Variants in OTOG observed in about 807,000 individuals in gnomAD.
OTOG encodes the protein otogelin.
Under a neutral mutation model 313.8 loss-of-function variants are expected in OTOG, and 296 were observed. That is an observed-to-expected ratio of 0.94 (90% CI 0.86 to 1.04). The LOEUF (loss-of-function observed/expected upper bound fraction) is 1.04, where lower values mean the gene tolerates loss of function less well. Among genes scored for constraint, OTOG ranks in the 50% least tolerant of loss-of-function variants. The pLI is 0.00. For missense variants in OTOG, 3,948 were observed against 3,840.1 expected, an observed-to-expected ratio of 1.03 and a Z score of -0.74; for synonymous variants, 1,533 against 1,554.9, an observed-to-expected ratio of 0.99 and a Z score of 0.33.
At position 17,638,481 on chromosome 11, in the gene OTOG, A is replaced by C. The variant is rs926666774; in HGVS notation, c.7826A>C (p.Gln2609Pro). The C allele has an allele frequency of 6.5e-7, 1 of 1,550,026 alleles. No individual in the cohort carries two copies. Among genetic ancestry groups the C allele is most frequent in the African/African-American group, 1.4e-5 (1 of 73,028 alleles). The part of the protein sequence containing the change: ...VCENFRCPQV[Q>P]CGLGTALVEV... Reference sequence around the variant, plus strand: ...GAGAACTTCCGCTGTCCCCAAGTGCAGTGTGGCCTGGGCACTGCCCTGGTG... The same window carrying C: ...GAGAACTTCCGCTGTCCCCAAGTGCCGTGTGGCCTGGGCACTGCCCTGGTG... Residue 2609 changes from glutamine to proline, a missense_variant, in exon 48 of 56, where the codon CAG (glutamine) becomes CCG (proline). Physicochemically the swap from Gln to Pro is moderately conservative, Grantham distance 76. Coordinates refer to ENST00000399397, the MANE Select transcript of OTOG (RefSeq NM_001292063.2).
rs574498870 is a variant in OTOG at position 17,596,990 on chromosome 11, G to A, written c.3665G>A (p.Arg1222Gln). The A allele has an allele frequency of 2.3e-5, 36 of 1,548,678 alleles. No individual in the cohort carries two copies. Among genetic ancestry groups the A allele is most frequent in the Admixed American group, 1.8e-4 (9 of 50,982 alleles). Residue 1222 changes from arginine (R) to glutamine (Q), a missense_variant, in exon 30 of 56, where the codon CGA (arginine) becomes CAA (glutamine). By Grantham distance (43) the Arg-to-Gln change is conservative. Coordinates refer to ENST00000399397, the MANE Select transcript of OTOG (RefSeq NM_001292063.2). ...CCQHGVAVDW[R>Q]TPRLCPYDCD... ...CAGCATGGGGTGGCTGTTGACTGGC[G>A]AACCCCCCGCCTCTGCCGTGAGTGT...
chr11:17,641,265 G>A (rs1847966687), intron 51 of OTOG, among the ~76,000 whole-genome samples, 174 bp downstream of exon 51: 1 of 152,200 alleles, frequency 6.6e-6, no homozygotes, highest in South Asian at 2.1e-4. Context: ...GTTGGGAGAG[G>A]CCAGAAGGGG....
At chr11:17,635,295 G>A in intron 46 of OTOG, 108 bp downstream of exon 46, 1 of 884,698 alleles carries the variant, frequency 1.1e-6, no homozygotes, top group South Asian at 1.7e-5. Flanking sequence ...TCTTCAGATG[G>A]GGTGGGCAAA....
rs7930435 is a variant in OTOG at position 17,642,558 on chromosome 11, T to G, written c.8415+312T>G. ...CACACACCACACACTCCAGGGACAT[T>G]CACATCAGCATGCCAATGCACACAC... On this transcript the variant is annotated intron_variant, in intron 53 of 55. Transcript: ENST00000399397. Among the ~76,000 whole-genome samples the G allele has an allele frequency of 0.14, 21,506 of 152,120 alleles. 1,584 individuals are homozygous for G. Among genetic ancestry groups the G allele is most frequent in the African/African-American group, 0.18 (7,576 of 41,490 alleles).
At position 17,570,266 on chromosome 11, in the gene OTOG, G is replaced by A. The variant is rs1463502155; in HGVS notation, c.1831G>A (p.Val611Met). The A allele has an allele frequency of 2.6e-6, 4 of 1,550,750 alleles. No individual in the cohort carries two copies. The highest frequency in any genetic ancestry group is 1.4e-5 in the African/African-American group (1 of 73,042). The change falls in exon 17 of 56, where the codon GTG (valine) becomes ATG (methionine). Residue 611 changes from valine (V) to methionine (M), a missense_variant. Physicochemically the swap from Val to Met is conservative, Grantham distance 21. Transcript: ENST00000399397. Reference sequence around the variant, plus strand: ...CGTGTTCCTGCGGGTGAGGACGAACGTGGGCGTGCGGGTGCTCTACGACCG... The same window carrying A: ...CGTGTTCCTGCGGGTGAGGACGAACATGGGCGTGCGGGTGCTCTACGACCG... ...SSVFLRVRTNVGVRVLYDREG... is the reference protein window; with the variant it reads ...SSVFLRVRTNMGVRVLYDREG...
At position 17,610,174 on chromosome 11, in the gene OTOG, A is replaced by G. The variant is rs1007613922; in HGVS notation, c.4874A>G (p.His1625Arg). 7 of 1,550,450 alleles carry G rather than the reference A, an allele frequency of 4.5e-6. No homozygotes were observed. In the Admixed American group the frequency reaches 1.2e-4, roughly 26 times the overall value. The stretch of plus-strand genomic sequence containing the variant: ...ACCAAGGCTGTGACAGTCCGAGGCC[A>G]TGGCTCCTTGCCTGTTAGGACGACA... ...LMTKAVTVRG[H>R]GSLPVRTTPP... The change falls in exon 36 of 56, where the codon CAT becomes CGT. Residue 1625 changes from histidine (H) to arginine (R), a missense_variant. Coordinates refer to ENST00000399397, the MANE Select transcript of OTOG (RefSeq NM_001292063.2).
chr11:17,554,827 A>C (rs1852019421), intron 6 of OTOG, among the ~76,000 whole-genome samples: 1 of 152,286 alleles, frequency 6.6e-6, no homozygotes, highest in African/African-American at 2.4e-5. Flanking sequence ...TACAAAATCA[A>C]CTTAACGAAT....
chr11:17,595,555 C>T (rs572268595), intron 28 of OTOG, among the ~76,000 whole-genome samples: 1 of 152,298 alleles, frequency 6.6e-6, no homozygotes, highest in East Asian at 1.9e-4. Flanking sequence ...GGGCTGGGCT[C>T]TCATCTGGAG....
At chr11:17,640,596 C>A (rs551878870) in intron 49 of OTOG, 149 bp from the exon 50 acceptor site, 2 of 703,074 alleles carry the variant, frequency 2.8e-6, no homozygotes, top group East Asian at 5.4e-5. Flanking sequence ...GACTGAGCTT[C>A]CAGGCTGCTG....
intron 20 of OTOG, among the ~76,000 whole-genome samples, chr11:17,575,764 A>G (rs1852508331): frequency 6.6e-6 from 1 of 152,146 alleles, no homozygotes; most frequent in Non-Finnish European, 1.5e-5. Context: ...TGAGATCCAG[A>G]TGTGTGCCTG....
At chr11:17,561,211 G>A (rs963336324) in intron 14 of OTOG, 74 bp downstream of exon 14, 10 of 1,511,176 alleles carry the variant, frequency 6.6e-6, no homozygotes, top group Non-Finnish European at 9.0e-6. Flanking sequence ...GAATCTCTGG[G>A]GGCCAGGCTT....
chr11:17,565,392 C>T (rs551260550), intron 15 of OTOG, among the ~76,000 whole-genome samples: 10 of 152,254 alleles, frequency 6.6e-5, no homozygotes, highest in South Asian at 6.2e-4. Context: ...ACATCTTATC[C>T]GTGGTATATA....
At chr11:17,568,134 C>T (rs1481509664) in intron 15 of OTOG, among the ~76,000 whole-genome samples, 1 of 152,136 alleles carries the variant, frequency 6.6e-6, no homozygotes, top group Non-Finnish European at 1.5e-5. Context: ...GTCTCGATCT[C>T]CTGACCTCGT....
At chr11:17,619,550 T>A (rs1301206735) in intron 39 of OTOG, among the ~76,000 whole-genome samples, 1 of 151,802 alleles carries the variant, frequency 6.6e-6, no homozygotes, top group Admixed American at 6.6e-5. Context: ...TTGTCTGTAC[T>A]TTTTTTTTCT....
At chr11:17,585,631 C>G (rs192937121) in intron 23 of OTOG, among the ~76,000 whole-genome samples, 221 of 152,202 alleles carry the variant, frequency 1.5e-3, no homozygotes, top group Non-Finnish European at 1.3e-3. Context: ...ATATGCTGGC[C>G]ACTTCAGAAG....
intron 4 of OTOG, 114 bp downstream of exon 4, chr11:17,552,189 C>G: frequency 9.4e-7 from 1 of 1,058,510 alleles, no homozygotes; most frequent in Non-Finnish European, 1.4e-6. Flanking sequence ...CCCCTTTTTC[C>G]TGCTTGGCAT....
intron 24 of OTOG, among the ~76,000 whole-genome samples, chr11:17,587,032 T>C (rs1276328816): frequency 1.3e-5 from 2 of 152,256 alleles, no homozygotes; most frequent in African/African-American, 4.8e-5. Context: ...TTTGTGCATA[T>C]GGATCCATTT....
Position 17,629,464 on chromosome 11 carries a change from C to T in OTOG, c.6712+148C>T, listed in dbSNP as rs569193702. The T allele has an allele frequency of 5.4e-5, 50 of 930,966 alleles. 2 individuals are homozygous for T. In the South Asian group the frequency reaches 7.2e-4, roughly 13 times the overall value. The allele number at this position is 930,966 out of a possible 1,614,324, so 57.7% of individuals were successfully genotyped here. Reference sequence around the variant, plus strand: ...GAGCTGTCAGGGCAGGGAGGCCTAACGTCTTGTGTCCTGGGGCCAAAGCTG... The same window carrying T: ...GAGCTGTCAGGGCAGGGAGGCCTAATGTCTTGTGTCCTGGGGCCAAAGCTG... On this transcript the variant is annotated intron_variant, in intron 40 of 55. Transcript: ENST00000399397.
intron 22 of OTOG, 89 bp downstream of exon 22, chr11:17,577,000 G>A (rs1852545034): frequency 7.4e-7 from 1 of 1,342,718 alleles, no homozygotes; most frequent in Admixed American, 2.5e-5. Flanking sequence ...GCTGTGGCAA[G>A]CCCACTCCAG....
Sources: gnomAD v4.1 joint callset for allele counts (sites outside exome capture counted in the v4.1 genomes callset) on GRCh38, gnomAD v4.1.1 for gene constraint, MANE v1.5 for transcripts, NCBI Gene and HGNC (gene_info 2026-07-23, HGNC 2026-07-21) for gene names.